Variants in SAMD5 observed in about 807,000 individuals in gnomAD.
The protein encoded by SAMD5 is sterile alpha motif domain-containing protein 5.
SAMD5 carries 13 observed loss-of-function variants against 11.3 expected under a neutral mutation model. The ratio of observed to expected loss-of-function variants is 1.15; its 90% CI spans 0.75 to 1.83. SAMD5 has a LOEUF of 1.83. Ranked by LOEUF, SAMD5 falls within the 40% of genes most tolerant of loss-of-function variation. The pLI is 0.00. For synonymous variants in SAMD5, 129 were observed against 111.3 expected, an observed-to-expected ratio of 1.16 and a Z score of -1.00; for missense variants, 255 against 239.1, an observed-to-expected ratio of 1.07 and a Z score of -0.44.
the SAMD5 span, among the ~76,000 whole-genome samples, chr6:147,766,118 C>G: frequency 8.2e-6 from 1 of 122,064 alleles, no homozygotes; most frequent in Non-Finnish European, 1.9e-5. Flanking sequence ...AAAAAAAACA[C>G]AAAAAAAGAA....
chr6:147,827,793 CA>C, the SAMD5 span, among the ~76,000 whole-genome samples: 2 of 149,398 alleles, frequency 1.3e-5, no homozygotes, highest in East Asian at 3.9e-4. Flanking sequence ...GCTAACATGA[CA>C]TTTTTTTTTT....
At chr6:147,880,063 A>G in the SAMD5 span, among the ~76,000 whole-genome samples, 1 of 152,230 alleles carries the variant, frequency 6.6e-6, no homozygotes, top group African/African-American at 2.4e-5. Flanking sequence ...GCTATGGGTC[A>G]TGTGTTTTCC....
chr6:147,923,651 T>A, the SAMD5 span, among the ~76,000 whole-genome samples: 2 of 152,224 alleles, frequency 1.3e-5, no homozygotes, highest in Non-Finnish European at 2.9e-5. Context: ...TAGAGCTAAT[T>A]ACTAGTCAAG....
chr6:147,601,343 T>G, intron 1 of SAMD5, among the ~76,000 whole-genome samples: 1 of 152,144 alleles, frequency 6.6e-6, no homozygotes, highest in East Asian at 1.9e-4. Flanking sequence ...AATCAGATTT[T>G]TTTTTTTTGC....
At chr6:147,926,651 T>C in the SAMD5 span, among the ~76,000 whole-genome samples, 1 of 152,234 alleles carries the variant, frequency 6.6e-6, no homozygotes, top group Non-Finnish European at 1.5e-5. Flanking sequence ...GATAGTTTCT[T>C]CTGCTGTGCA....
chr6:147,605,731 A>T (rs886193662), intron 1 of SAMD5, among the ~76,000 whole-genome samples: 6 of 152,200 alleles, frequency 3.9e-5, no homozygotes, highest in Non-Finnish European at 5.9e-5. Context: ...ATGCAAATTT[A>T]TCATACAGAA....
intron 1 of SAMD5, among the ~76,000 whole-genome samples, chr6:147,703,675 A>G (rs971288629): frequency 2.0e-5 from 3 of 152,172 alleles, no homozygotes; most frequent in African/African-American, 7.2e-5. Context: ...GAGATGGCCA[A>G]AAATATCCAA....
chr6:147,769,910 G>C, the SAMD5 span, among the ~76,000 whole-genome samples: 16 of 152,312 alleles, frequency 1.1e-4, no homozygotes, highest in South Asian at 2.1e-4. Context: ...ATGGCGCAGA[G>C]TGTGCATGAA....
chr6:147,637,860 G>GTT (rs34779416), intron 1 of SAMD5, among the ~76,000 whole-genome samples: 26 of 141,884 alleles, frequency 1.8e-4, no homozygotes, highest in East Asian at 2.1e-4. Flanking sequence ...AGCAAGTTCG[G>GTT]TTTTTTTTTT....
At chr6:147,770,107 G>A in the SAMD5 span, among the ~76,000 whole-genome samples, 1 of 152,130 alleles carries the variant, frequency 6.6e-6, no homozygotes, top group Non-Finnish European at 1.5e-5. Context: ...AAATGCTTGG[G>A]TATATAGCTG....
the SAMD5 span, among the ~76,000 whole-genome samples, chr6:147,855,774 C>G: frequency 6.6e-6 from 1 of 152,102 alleles, no homozygotes; most frequent in Admixed American, 6.6e-5. Context: ...AAAAGCACAA[C>G]CCAACTAAAT....
chr6:147,552,037 G>A (rs1381580476), intron 1 of SAMD5, among the ~76,000 whole-genome samples: 2 of 152,018 alleles, frequency 1.3e-5, no homozygotes, highest in Non-Finnish European at 2.9e-5. Context: ...GCTCTGGGAT[G>A]TTTCCATGGG....
At chr6:147,648,027 G>A (rs9497836) in intron 1 of SAMD5, among the ~76,000 whole-genome samples, 1 of 152,192 alleles carries the variant, frequency 6.6e-6, no homozygotes, top group Non-Finnish European at 1.5e-5. Flanking sequence ...TGATCAGTTA[G>A]GTTGATCCTG....
chr6:147,901,709 T>C, the SAMD5 span, among the ~76,000 whole-genome samples: 2 of 152,304 alleles, frequency 1.3e-5, no homozygotes, highest in Admixed American at 1.3e-4. Flanking sequence ...CTTCGATAGG[T>C]ATAATCACTT....
At chr6:147,877,936 T>TTTTTCTTTTTG in the SAMD5 span, among the ~76,000 whole-genome samples, 28 of 83,966 alleles carry the variant, frequency 3.3e-4, 1 homozygote, top group African/African-American at 1.0e-3. Flanking sequence ...GATAGATAGA[T>TTTTTCTTTTTG]AGATAGATAG....
intron 1 of SAMD5, among the ~76,000 whole-genome samples, chr6:147,626,302 G>A (rs538483091): frequency 6.6e-6 from 1 of 151,848 alleles, no homozygotes; most frequent in African/African-American, 2.4e-5. Flanking sequence ...AATTGTTTTA[G>A]CTGTTAAAAC....
chr6:147,808,531 G>A, the SAMD5 span, among the ~76,000 whole-genome samples: 1 of 152,084 alleles, frequency 6.6e-6, no homozygotes. Context: ...TGGCCTCTAG[G>A]TGACTCAGTC....
intron 1 of SAMD5, among the ~76,000 whole-genome samples, chr6:147,599,053 G>A (rs1347858694): frequency 6.6e-6 from 1 of 152,240 alleles, no homozygotes; most frequent in Non-Finnish European, 1.5e-5. Context: ...GGAGAACTGA[G>A]AACCACAGCG....
chr6:147,704,581 G>A (rs1296543751), intron 1 of SAMD5, among the ~76,000 whole-genome samples: 1 of 152,166 alleles, frequency 6.6e-6, no homozygotes, highest in African/African-American at 2.4e-5. Flanking sequence ...GTGACAGGTA[G>A]TGGGGGTGTG....
Sources: allele counts gnomAD v4.1 joint callset (sites outside exome capture counted in the v4.1 genomes callset), GRCh38; gene constraint gnomAD v4.1.1; transcripts MANE v1.5; gene names NCBI Gene and HGNC (gene_info 2026-07-23, HGNC 2026-07-21).